Variants in SLC30A7 observed in about 807,000 individuals in gnomAD.
The protein encoded by SLC30A7 is solute carrier family 30 member 7.
SLC30A7 carries 35 observed loss-of-function variants against 46.0 expected under a neutral mutation model. The observed-to-expected ratio is 0.76, with a 90% CI of 0.58 to 1.01. The LOEUF is 1.01. Ranked by LOEUF, SLC30A7 falls within the 50% of genes least tolerant of loss-of-function variation. The pLI, the probability that SLC30A7 is intolerant of heterozygous loss-of-function variation, is 0.00. For missense variants in SLC30A7, 464 were observed against 451.1 expected (o/e 1.03, Z -0.26); for synonymous variants, 147 against 157.8 (o/e 0.93, Z 0.51).
chr1:100,933,924 C>T (rs191926515), intron 8 of SLC30A7, among the ~76,000 whole-genome samples: 1 of 152,312 alleles, frequency 6.6e-6, no homozygotes, highest in East Asian at 1.9e-4. Flanking sequence ...TCTTCCATTT[C>T]TAAACTGTTT....
chr1:100,916,889 C>G (rs1195843608), intron 6 of SLC30A7, among the ~76,000 whole-genome samples: 4 of 151,928 alleles, frequency 2.6e-5, no homozygotes, highest in Non-Finnish European at 5.9e-5. Flanking sequence ...ACTCTTTGAC[C>G]ATTTTAAAAT....
intron 8 of SLC30A7, among the ~76,000 whole-genome samples, chr1:100,945,284 A>G (rs1654564578): frequency 6.6e-6 from 1 of 152,068 alleles, no homozygotes; most frequent in Non-Finnish European, 1.5e-5. Context: ...GAAGCTCTTT[A>G]GTTTAATTAG....
intron 2 of SLC30A7, among the ~76,000 whole-genome samples, chr1:100,896,927 C>T (rs1321691226): frequency 2.0e-5 from 3 of 152,096 alleles, no homozygotes; most frequent in African/African-American, 4.8e-5. Flanking sequence ...ACAAGCCCCT[C>T]CTTATTTTAG....
At chr1:100,922,223 C>G (rs570373983) in intron 8 of SLC30A7, among the ~76,000 whole-genome samples, 2 of 152,236 alleles carry the variant, frequency 1.3e-5, no homozygotes, top group South Asian at 4.1e-4. Context: ...GCCTCAGCCT[C>G]TGAAAGCGCT....
intron 8 of SLC30A7, chr1:100,941,303 C>T (rs1031838230): frequency 1.4e-4 from 52 of 384,880 alleles, no homozygotes; most frequent in Non-Finnish European, 2.5e-5. Context: ...ACCATGACCA[C>T]TAAAGTTTCC....
rs150212673 is a variant in SLC30A7 at position 100,976,191 on chromosome 1, A to G, written c.*1334A>G. The G allele has an allele frequency of 2.0e-5, 3 of 152,272 alleles. No homozygotes were observed. The highest frequency in any genetic ancestry group is 7.2e-5 in the African/African-American group (3 of 41,558). The allele number at this position is 152,272 out of a possible 1,614,324, so 9.4% of individuals were successfully genotyped here. On this transcript the variant is annotated 3_prime_UTR_variant, in exon 11 of 11. Transcript: ENST00000357650. ...TCCTATATCTTTCCTTGCCATTTCT[A>G]TGGATTTTATAATGAAAGAAAAAGG...
chr1:100,905,589 TTGTC>T (rs1249350047), intron 2 of SLC30A7, among the ~76,000 whole-genome samples: 1 of 152,166 alleles, frequency 6.6e-6, no homozygotes, highest in Non-Finnish European at 1.5e-5. Flanking sequence ...CTTTTTTTGT[TTGTC>T]TGTTTGTTTC....
chr1:100,987,393 T>C, the SLC30A7 span, among the ~76,000 whole-genome samples: 1 of 152,200 alleles, frequency 6.6e-6, no homozygotes, highest in Non-Finnish European at 1.5e-5. Context: ...CCAAATGGCA[T>C]TGAGGCTTTC....
At position 100,902,985 on chromosome 1, in the gene SLC30A7, G is replaced by A. The variant is rs184764177; in HGVS notation, c.183-3867G>A. On this transcript the variant is annotated intron_variant, in intron 2 of 10. Coordinates refer to ENST00000357650, the MANE Select transcript of SLC30A7 (RefSeq NM_133496.5). The stretch of plus-strand genomic sequence containing the variant: ...TAGATCAATAAATCAGTAAATGTTT[G>A]TTTATATTTATTTACAATGAATGCC... 1.2e-4 allele frequency among the ~76,000 whole-genome samples: 19 copies of A among 152,088 alleles called. No homozygotes were observed. In the East Asian group the frequency reaches 3.7e-3, roughly 29 times the overall value.
intron 6 of SLC30A7, among the ~76,000 whole-genome samples, chr1:100,914,854 C>G (rs1276219727): frequency 6.6e-6 from 1 of 152,048 alleles, no homozygotes; most frequent in Non-Finnish European, 1.5e-5. Flanking sequence ...ATAGCTTGAA[C>G]CCAGGAGGCG....
chr1:100,968,684 A>G (rs1433815189), intron 10 of SLC30A7, among the ~76,000 whole-genome samples: 1 of 152,070 alleles, frequency 6.6e-6, no homozygotes, highest in Non-Finnish European at 1.5e-5. Context: ...AAAATATCCA[A>G]TGCAATTGTT....
downstream of SLC30A7, among the ~76,000 whole-genome samples, chr1:100,982,769 AG>A (rs1158830424): frequency 2.0e-5 from 3 of 152,112 alleles, no homozygotes; most frequent in Non-Finnish European, 2.9e-5. Flanking sequence ...ACTTTTGTCC[AG>A]GTGCTTTTGA....
In SLC30A7 at chr1:100,897,029, G is replaced by C. The variant is rs149130936; in HGVS notation, c.182+358G>C. On this transcript the variant is annotated intron_variant, in intron 2 of 10. Coordinates refer to ENST00000357650, the MANE Select transcript of SLC30A7 (RefSeq NM_133496.5). ...GAAACTTGTTTGCTGCCTCTCTCGGGGGGGAGTGGCATTTGGATTTCACCC... is the reference window on the plus strand; with the variant it reads ...GAAACTTGTTTGCTGCCTCTCTCGGCGGGGAGTGGCATTTGGATTTCACCC... 5.9e-5 allele frequency among the ~76,000 whole-genome samples: 9 copies of C among 152,034 alleles called. No homozygotes were observed. In the East Asian group the frequency reaches 1.4e-3, roughly 23 times the overall value.
At chr1:100,908,137 C>T (rs1272831898) in intron 3 of SLC30A7, among the ~76,000 whole-genome samples, 1 of 152,014 alleles carries the variant, frequency 6.6e-6, no homozygotes, top group Non-Finnish European at 1.5e-5. Context: ...CTCACTCTCT[C>T]CCTGTCCTTT....
chr1:100,945,478 A>G (rs1343711993), intron 8 of SLC30A7, among the ~76,000 whole-genome samples: 1 of 152,046 alleles, frequency 6.6e-6, no homozygotes, highest in Non-Finnish European at 1.5e-5. Context: ...GTGTAAGGAA[A>G]GGATCCAGTT....
intron 5 of SLC30A7, among the ~76,000 whole-genome samples, 158 bp from the exon 6 acceptor site, chr1:100,913,505 C>G (rs940526973): frequency 1.3e-5 from 2 of 152,164 alleles, no homozygotes; most frequent in East Asian, 1.9e-4. Context: ...AGCAGAAACT[C>G]AGGATTGTTT....
At chr1:100,939,284 G>A (rs780027363) in intron 8 of SLC30A7, among the ~76,000 whole-genome samples, 5 of 152,178 alleles carry the variant, frequency 3.3e-5, no homozygotes, top group African/African-American at 9.6e-5. Context: ...TGTAAAGCCC[G>A]TGAAAGTTGA....
intron 8 of SLC30A7, among the ~76,000 whole-genome samples, chr1:100,947,002 C>T (rs910888944): frequency 1.3e-5 from 2 of 152,148 alleles, no homozygotes; most frequent in African/African-American, 2.4e-5. Flanking sequence ...ACTTCTTCCT[C>T]GTTTAGTCTT....
At chr1:100,957,054 T>C (rs952090189) in intron 8 of SLC30A7, among the ~76,000 whole-genome samples, 8 of 152,246 alleles carry the variant, frequency 5.3e-5, no homozygotes, top group African/African-American at 1.9e-4. Context: ...ACATGCTTGC[T>C]ACATGGTTGG....
Sources: allele counts gnomAD v4.1 joint callset (sites outside exome capture counted in the v4.1 genomes callset), GRCh38; gene constraint gnomAD v4.1.1; transcripts MANE v1.5; gene names NCBI Gene and HGNC (gene_info 2026-07-23, HGNC 2026-07-21).